CDH13: variants seen among roughly 807,000 people sequenced by gnomAD.
CDH13 encodes the protein cadherin 13.
CDH13 carries 24 observed loss-of-function variants against 63.8 expected under a neutral mutation model. That is an observed-to-expected ratio of 0.38 (90% CI 0.27 to 0.53). CDH13 has a LOEUF of 0.53. CDH13 is among the 20% of genes least tolerant of loss of function. CDH13 has a pLI of 0.85. For missense variants in CDH13, 1,049 were observed against 903.1 expected (o/e 1.16, Z -2.07); for synonymous variants, 503 against 355.3 (o/e 1.42, Z -4.67).
At chr16:82,805,368 T>A (rs12050990) in intron 1 of CDH13, among the ~76,000 whole-genome samples, 39,056 of 152,164 alleles carry the variant, frequency 0.26, 5,915 homozygotes, top group South Asian at 0.4. Context: ...TAGAAATTTT[T>A]TAGCTGTCCA....
At chr16:83,020,654 G>C (rs1021481597) in intron 2 of CDH13, among the ~76,000 whole-genome samples, 1 of 152,180 alleles carries the variant, frequency 6.6e-6, no homozygotes, top group Non-Finnish European at 1.5e-5. Context: ...CTGAACTATG[G>C]ATCCATGGGG....
chr16:83,318,617 A>T (rs1315786189), intron 5 of CDH13, among the ~76,000 whole-genome samples: 1 of 152,174 alleles, frequency 6.6e-6, no homozygotes, highest in African/African-American at 2.4e-5. Flanking sequence ...ATGCCTACTT[A>T]GTGGCAGTTC....
intron 1 of CDH13, among the ~76,000 whole-genome samples, chr16:82,775,546 C>G (rs933676127): frequency 6.6e-6 from 1 of 152,116 alleles, no homozygotes; most frequent in Non-Finnish European, 1.5e-5. Flanking sequence ...TCATTTATGT[C>G]TATGTCAATG....
At chr16:83,252,271 C>CTTTTTTTTTTCTTTTTTTTT (rs1905664901) in intron 5 of CDH13, among the ~76,000 whole-genome samples, 1 of 138,952 alleles carries the variant, frequency 7.2e-6, no homozygotes, top group South Asian at 2.3e-4. Flanking sequence ...TCTTTTTTTT[C>CTTTTTTTTTTCTTTTTTTTT]TTTTTTTTTT....
At chr16:83,750,485 C>T (rs565388815) in intron 11 of CDH13, among the ~76,000 whole-genome samples, 26 of 152,086 alleles carry the variant, frequency 1.7e-4, no homozygotes, top group Non-Finnish European at 3.1e-4. Flanking sequence ...TATTGGAGTC[C>T]TAATCCCTGG....
At chr16:83,550,321 C>G (rs1345343944) in intron 7 of CDH13, among the ~76,000 whole-genome samples, 1 of 152,224 alleles carries the variant, frequency 6.6e-6, no homozygotes, top group African/African-American at 2.4e-5. Flanking sequence ...CCAGGGGGCG[C>G]TGACAGAAGT....
In CDH13 at chr16:83,795,269, C is replaced by T; in HGVS notation, c.*239C>T. 1 of 526,634 alleles carries T rather than the reference C, an allele frequency of 1.9e-6. No individual in the cohort carries two copies. Among genetic ancestry groups the T allele is most frequent in the Non-Finnish European group, 3.4e-6 (1 of 294,454 alleles). 32.6% of individuals were successfully genotyped at this position (526,634 alleles called of 1,614,324 possible). A position where few individuals can be genotyped will look rare whatever the true frequency, so the allele number is the denominator to read the frequency against. ...GAATTTTCCCTGAATGTTTAAAGAT[C>T]ATGACATATGACTTGATCTTCTGGG... On this transcript the variant is annotated 3_prime_UTR_variant, in exon 14 of 14. Transcript: ENST00000567109.
intron 1 of CDH13, among the ~76,000 whole-genome samples, chr16:82,664,348 A>G (rs1164976261): frequency 1.3e-5 from 2 of 152,182 alleles, no homozygotes; most frequent in African/African-American, 2.4e-5. Context: ...AGTGATTTGC[A>G]CTAGCTGATT....
In CDH13 at chr16:83,188,497, C is replaced by A. The variant is rs555146701; in HGVS notation, c.484-28848C>A. 4.6e-5 allele frequency among the ~76,000 whole-genome samples: 7 copies of A among 152,210 alleles called. No homozygotes were observed. In the South Asian group the frequency reaches 1.5e-3, roughly 32 times the overall value. ...GGTGGTTTTGTAAAGAAGCCAGCCT[C>A]GCTGCCCATCTCCCAGAGGGGGGAA... On this transcript the variant is annotated intron_variant, in intron 4 of 13. Coordinates refer to ENST00000567109, the MANE Select transcript of CDH13 (RefSeq NM_001257.5).
chr16:82,942,056 ATTAT>A (rs879743961), intron 2 of CDH13, among the ~76,000 whole-genome samples: 116 of 152,236 alleles, frequency 7.6e-4, no homozygotes, highest in African/African-American at 2.6e-3. Context: ...ATGAAGGCTA[ATTAT>A]TTATTTTTCC....
intron 2 of CDH13, among the ~76,000 whole-genome samples, chr16:82,926,289 A>G (rs937769213): frequency 6.6e-6 from 1 of 152,108 alleles, no homozygotes; most frequent in Non-Finnish European, 1.5e-5. Context: ...ATTTCCAAAA[A>G]AAAAAAAGAA....
chr16:83,193,867 A>T, intron 4 of CDH13, among the ~76,000 whole-genome samples: 1 of 152,216 alleles, frequency 6.6e-6, no homozygotes, highest in East Asian at 1.9e-4. Context: ...GCCTATTTAG[A>T]TTATGAAAAT....
intron 5 of CDH13, among the ~76,000 whole-genome samples, chr16:83,278,751 G>A (rs1485618401): frequency 6.6e-6 from 1 of 152,200 alleles, no homozygotes; most frequent in African/African-American, 2.4e-5. Context: ...AGAGGCTGGA[G>A]CAAACTCCTT....
At chr16:83,278,660 C>A (rs929048190) in intron 5 of CDH13, among the ~76,000 whole-genome samples, 9 of 152,134 alleles carry the variant, frequency 5.9e-5, no homozygotes, top group African/African-American at 1.7e-4. Context: ...CCTGGCAATG[C>A]CGGTTGAGGT....
chr16:83,214,278 G>C (rs911067389), intron 4 of CDH13, among the ~76,000 whole-genome samples: 2 of 151,932 alleles, frequency 1.3e-5, no homozygotes, highest in African/African-American at 4.8e-5. Flanking sequence ...TGTGAATTTT[G>C]TTATTAAAAA....
At chr16:82,820,182 G>A (rs1009559224) in intron 1 of CDH13, among the ~76,000 whole-genome samples, 1 of 152,092 alleles carries the variant, frequency 6.6e-6, no homozygotes, top group Non-Finnish European at 1.5e-5. Flanking sequence ...TGTTTTTACT[G>A]CTCCTCTTTA....
At chr16:82,703,379 G>A (rs1002553512) in intron 1 of CDH13, among the ~76,000 whole-genome samples, 17 of 152,134 alleles carry the variant, frequency 1.1e-4, no homozygotes, top group Admixed American at 5.9e-4. Context: ...AGCTGCTGGA[G>A]CATGGCAGGC....
chr16:83,555,809 A>T (rs1386370531), intron 7 of CDH13, among the ~76,000 whole-genome samples: 1 of 152,214 alleles, frequency 6.6e-6, no homozygotes, highest in African/African-American at 2.4e-5. Context: ...AAAGTAAAAT[A>T]TTTTGCAATT....
intron 4 of CDH13, among the ~76,000 whole-genome samples, chr16:83,196,031 G>A (rs559425602): frequency 4.6e-5 from 7 of 152,236 alleles, no homozygotes; most frequent in Admixed American, 2.0e-4. Flanking sequence ...CGAGGCAGGC[G>A]GATCACCTGA....
Sources: allele counts gnomAD v4.1 joint callset (sites outside exome capture counted in the v4.1 genomes callset), GRCh38; gene constraint gnomAD v4.1.1; transcripts MANE v1.5; gene names NCBI Gene and HGNC (gene_info 2026-07-23, HGNC 2026-07-21).